Variants in KLHL8 observed in about 807,000 individuals in gnomAD.
KLHL8 encodes the protein kelch-like protein 8.
In KLHL8, 38 loss-of-function variants were observed where a neutral mutation model predicts 63.5. That is an observed-to-expected ratio of 0.60 (90% CI 0.46 to 0.78). KLHL8 has a LOEUF of 0.78. Among genes scored for constraint, KLHL8 ranks in the 30% least tolerant of loss-of-function variants. The probability of loss-of-function intolerance (pLI) is 0.00; values close to 1 mark genes in which losing one functional copy is unlikely to be tolerated. For missense variants in KLHL8, 566 were observed against 752.4 expected, an observed-to-expected ratio of 0.75 and a Z score of 2.90; for synonymous variants, 224 against 254.3, an observed-to-expected ratio of 0.88 and a Z score of 1.13.
chr4:87,171,922 T>A (rs1730648611), intron 6 of KLHL8, among the ~76,000 whole-genome samples: 1 of 152,142 alleles, frequency 6.6e-6, no homozygotes, highest in African/African-American at 2.4e-5. Context: ...AATTTCTACC[T>A]CAAATATGTC....
intron 4 of KLHL8, among the ~76,000 whole-genome samples, chr4:87,181,593 GAA>G (rs1033021328): frequency 1.5e-5 from 2 of 135,966 alleles, no homozygotes; most frequent in African/African-American, 5.4e-5. Flanking sequence ...CGTATGGAAG[GAA>G]AAAAAAAAAA....
At chr4:87,224,073 TA>T (rs769702635), upstream of KLHL8, among the ~76,000 whole-genome samples, 32 of 151,494 alleles carry the variant, frequency 2.1e-4, no homozygotes, top group Admixed American at 3.9e-4. Flanking sequence ...TTTTTTTTTT[TA>T]AATTTGAGAT....
At chr4:87,207,230 T>C in intron 1 of KLHL8, 3 of 565,418 alleles carry the variant, frequency 5.3e-6, no homozygotes, top group African/African-American at 1.9e-5. Flanking sequence ...CATGTTCCAG[T>C]AGGATTTTAC....
intron 1 of KLHL8, among the ~76,000 whole-genome samples, chr4:87,213,648 A>G (rs1300069025): frequency 6.6e-6 from 1 of 152,184 alleles, no homozygotes; most frequent in Non-Finnish European, 1.5e-5. Flanking sequence ...CAATGTCTTT[A>G]TTTTTAAAAG....
chr4:87,191,382 G>T (rs914982971), intron 2 of KLHL8, among the ~76,000 whole-genome samples: 1 of 151,956 alleles, frequency 6.6e-6, no homozygotes, highest in Non-Finnish European at 1.5e-5. Context: ...GTAGGGTTTG[G>T]GTCCAGGAGG....
At chr4:87,186,904 T>G (rs1162112300) in intron 2 of KLHL8, among the ~76,000 whole-genome samples, 1 of 152,134 alleles carries the variant, frequency 6.6e-6, no homozygotes, top group Non-Finnish European at 1.5e-5. Context: ...GTATTTACTA[T>G]GAGCTCAACT....
chr4:87,225,614 GA>G (rs1349569055), upstream of KLHL8, among the ~76,000 whole-genome samples: 1 of 152,168 alleles, frequency 6.6e-6, no homozygotes, highest in Non-Finnish European at 1.5e-5. Context: ...AACTTGGAAT[GA>G]AAGGAGTAGG....
intron 1 of KLHL8, among the ~76,000 whole-genome samples, chr4:87,201,738 C>T (rs1308836508): frequency 6.6e-6 from 1 of 152,078 alleles, no homozygotes; most frequent in Non-Finnish European, 1.5e-5. Flanking sequence ...GAAAACTCTC[C>T]AAATGCTTAC....
intron 6 of KLHL8, among the ~76,000 whole-genome samples, chr4:87,174,004 G>A (rs561652192): frequency 4.6e-5 from 7 of 151,652 alleles, no homozygotes; most frequent in African/African-American, 1.7e-4. Flanking sequence ...GCAAAAACCA[G>A]TTGAAAATAT....
chr4:87,164,413 G>A (rs1415485681), intron 8 of KLHL8, among the ~76,000 whole-genome samples: 4 of 151,910 alleles, frequency 2.6e-5, no homozygotes, highest in Non-Finnish European at 4.4e-5. Context: ...GTCCTTAGCC[G>A]TCTAGAGACA....
chr4:87,179,938 T>C (rs1171301052), intron 4 of KLHL8, among the ~76,000 whole-genome samples: 1 of 152,212 alleles, frequency 6.6e-6, no homozygotes, highest in African/African-American at 2.4e-5. Context: ...TCAGTAGGTT[T>C]GGGATAAGTC....
At chr4:87,218,225 G>A (rs1265257578) in intron 1 of KLHL8, among the ~76,000 whole-genome samples, 5 of 149,830 alleles carry the variant, frequency 3.3e-5, no homozygotes, top group Non-Finnish European at 7.4e-5. Context: ...TAGCAGGTGG[G>A]ATCAAAATTT....
chr4:87,221,587 C>G (rs1401204077), upstream of KLHL8, among the ~76,000 whole-genome samples: 1 of 151,794 alleles, frequency 6.6e-6, no homozygotes, highest in African/African-American at 2.4e-5. Context: ...TTTCACAATC[C>G]TAGGAGTCTA....
intron 1 of KLHL8, among the ~76,000 whole-genome samples, chr4:87,229,691 A>G (rs952788572): frequency 1.1e-4 from 17 of 151,480 alleles, no homozygotes; most frequent in African/African-American, 4.1e-4. Flanking sequence ...CTTAGCCTCC[A>G]AAAGTGTTGG....
intron 2 of KLHL8, among the ~76,000 whole-genome samples, chr4:87,186,647 T>G (rs1731270311): frequency 6.6e-6 from 1 of 151,612 alleles, no homozygotes; most frequent in South Asian, 2.1e-4. Context: ...CCCAGCTAAT[T>G]TTTGTATTTT....
intron 1 of KLHL8, among the ~76,000 whole-genome samples, chr4:87,211,390 CAATCATTAA>C (rs780405675): frequency 2.3e-4 from 35 of 152,144 alleles, no homozygotes; most frequent in Non-Finnish European, 3.7e-4. Flanking sequence ...CAAAATATAC[CAATCATTAA>C]ACGAGAATCT....
At position 87,164,048 on chromosome 4, in the gene KLHL8, T is replaced by C; in HGVS notation, c.1569A>G (p.Ser523=). The C allele has an allele frequency of 3.1e-6, 5 of 1,614,180 alleles. No homozygotes were observed. The highest frequency in any genetic ancestry group is 4.2e-6 in the Non-Finnish European group (5 of 1,180,002). The part of the protein sequence containing the change: ...GGFDDNSPLS[S]VERYDPRSNK... ...TGCTTCGGGGGTCATACCGCTCAAC[T>C]GAACTCAGAGGAGAATTATCATCAA... Residue 523 remains serine, a synonymous_variant, in exon 9 of 10, where the codon TCA becomes TCG. Coordinates refer to ENST00000273963, the MANE Select transcript of KLHL8 (RefSeq NM_020803.5).
intron 1 of KLHL8, among the ~76,000 whole-genome samples, chr4:87,201,089 C>A (rs1414381294): frequency 6.6e-6 from 1 of 152,034 alleles, no homozygotes; most frequent in South Asian, 2.1e-4. Flanking sequence ...CTGAAGCAGT[C>A]AAATTCATAG....
intron 6 of KLHL8, among the ~76,000 whole-genome samples, chr4:87,174,513 A>T (rs966394758): frequency 1.3e-5 from 2 of 152,188 alleles, no homozygotes; most frequent in African/African-American, 4.8e-5. Flanking sequence ...TCCTGACCTC[A>T]GGTGATCCGC....
Sources: allele counts gnomAD v4.1 joint callset (sites outside exome capture counted in the v4.1 genomes callset), GRCh38; gene constraint gnomAD v4.1.1; transcripts MANE v1.5; gene names NCBI Gene and HGNC (gene_info 2026-07-23, HGNC 2026-07-21).